SMAD6: variants seen among roughly 807,000 people sequenced by gnomAD.
SMAD6 encodes MAD homolog 6.
Under a neutral mutation model 39.4 loss-of-function variants are expected in SMAD6, and 103 were observed. The ratio of observed to expected loss-of-function variants is 2.62; its 90% CI spans 2.23 to 3.08. SMAD6 has a LOEUF of 3.08. Among genes scored for constraint, SMAD6 ranks in the 30% most tolerant of loss-of-function variants. The probability of loss-of-function intolerance (pLI) is 0.00; values close to 1 mark genes in which losing one functional copy is unlikely to be tolerated. For missense variants in SMAD6, 1,104 were observed against 742.9 expected (o/e 1.49, Z -5.65); for synonymous variants, 445 against 353.3 (o/e 1.26, Z -2.91).
chr15:66,703,883 CCGCGCGCCGACCTCCGCCTGGGCGGCCAG>C lies in SMAD6; in HGVS notation c.627_655del (p.Asp212AlafsTer81). The C allele has an allele frequency of 7.6e-7, 1 of 1,313,382 alleles. No individual in the cohort carries two copies. The highest frequency in any genetic ancestry group is 9.7e-7 in the Non-Finnish European group (1 of 1,030,318). The allele number at this position is 1,313,382 out of a possible 1,614,324, so 81.4% of individuals were successfully genotyped here. ...CGTGCCGGGCGGCTGCGTGCTGGTGCCGCGCGCCGACCTCCGCCTGGGCGGCCAGCCCGCGCCGCCGCAGCTGCTGCTCG... is the reference window on the plus strand; with the variant it reads ...CGTGCCGGGCGGCTGCGTGCTGGTGCCCCGCGCCGCCGCAGCTGCTGCTCG... On this transcript the variant is annotated frameshift_variant, in exon 1 of 4. Coordinates refer to ENST00000288840, the MANE Select transcript of SMAD6 (RefSeq NM_005585.5). LOFTEE classifies it high-confidence loss of function.
chr15:66,740,715 C>A (rs1350380780), intron 3 of SMAD6: 1 of 152,162 alleles, frequency 6.6e-6, no homozygotes, highest in Non-Finnish European at 1.5e-5. Flanking sequence ...TTTTATCCTG[C>A]CATCTCCCCT....
chr15:66,764,945 AC>A (rs1341433391), intron 3 of SMAD6, among the ~76,000 whole-genome samples: 1 of 152,078 alleles, frequency 6.6e-6, no homozygotes, highest in Non-Finnish European at 1.5e-5. Context: ...CCTGGGTTTC[AC>A]CGCCATAGGG....
Position 66,703,852 on chromosome 15 carries a change from C to G in SMAD6, c.594C>G (p.Arg198=). Residue 198 remains arginine, a synonymous_variant, in exon 1 of 4, where the codon CGC becomes CGG. Transcript: ENST00000288840. ...LDTLLEAVES[R]GGVPGGCVLV... Reference sequence around the variant, plus strand: ...CGCTGCTGGAGGCGGTGGAGTCCCGCGGCGGCGTGCCGGGCGGCTGCGTGC... The same window carrying G: ...CGCTGCTGGAGGCGGTGGAGTCCCGGGGCGGCGTGCCGGGCGGCTGCGTGC... 1.5e-6 allele frequency: 2 copies of G among 1,353,882 alleles called. No individual in the cohort carries two copies. The highest frequency in any genetic ancestry group is 1.9e-6 in the Non-Finnish European group (2 of 1,041,838). 83.9% of individuals were successfully genotyped at this position (1,353,882 alleles called of 1,614,324 possible).
chr15:66,749,570 A>G (rs1298007716), intron 3 of SMAD6, among the ~76,000 whole-genome samples: 1 of 152,178 alleles, frequency 6.6e-6, no homozygotes, highest in Non-Finnish European at 1.5e-5. Context: ...GTGAGACATG[A>G]TAGCTCCACT....
chr15:66,772,946 TC>T (rs1894403152), intron 3 of SMAD6, among the ~76,000 whole-genome samples: 1 of 152,210 alleles, frequency 6.6e-6, no homozygotes, highest in South Asian at 2.1e-4. Context: ...TCAGTCTCCC[TC>T]CTCCTGGTTC....
chr15:66,732,353 T>G (rs1893645177), intron 3 of SMAD6, among the ~76,000 whole-genome samples: 1 of 151,948 alleles, frequency 6.6e-6, no homozygotes. Flanking sequence ...TCTTTGCACT[T>G]CCCCTCCTCC....
chr15:66,717,081 T>A (rs1484639807), intron 3 of SMAD6: 1 of 1,289,066 alleles, frequency 7.8e-7, no homozygotes, highest in Admixed American at 2.3e-5. Flanking sequence ...TAGAAGCTGG[T>A]CATAGGGACC....
rs1893030032 is a variant in SMAD6, at chr15:66,703,578, T to C, written c.320T>C (p.Val107Ala). 3.3e-6 allele frequency: 4 copies of C among 1,225,992 alleles called. No individual in the cohort carries two copies. The highest frequency in any genetic ancestry group is 6.6e-5 in the East Asian group (2 of 30,226). 75.9% of individuals were successfully genotyped at this position (1,225,992 alleles called of 1,614,324 possible). A position where few individuals can be genotyped will look rare whatever the true frequency, so the allele number is the denominator to read the frequency against. Residue 107 changes from valine to alanine, a missense_variant, in exon 1 of 4, where the codon GTG becomes GCG. By Grantham distance (64) the Val-to-Ala change is moderately conservative. Transcript: ENST00000288840. ...GAGAGSSLLD[V>A]AEPGGPGWLP... ...GGCGCTGGGAGCTCCCTGCTGGACGTGGCGGAGCCGGGAGGCCCGGGCTGG... is the reference window on the plus strand; with the variant it reads ...GGCGCTGGGAGCTCCCTGCTGGACGCGGCGGAGCCGGGAGGCCCGGGCTGG...
intron 3 of SMAD6, chr15:66,717,022 G>A: frequency 7.8e-7 from 1 of 1,289,464 alleles, no homozygotes; most frequent in South Asian, 1.2e-5. Flanking sequence ...CAGATGCTGG[G>A]ATAGGAAGCC....
Position 66,782,310 on chromosome 15 carries a change from A to G in SMAD6, c.*775A>G. The stretch of plus-strand genomic sequence containing the variant: ...TTCATGCCCTAGCCTAGAAAGGCCC[A>G]GGTCCATGCCCCCCATCTTTGAGTT... On this transcript the variant is annotated 3_prime_UTR_variant, in exon 4 of 4. Coordinates refer to ENST00000288840, the MANE Select transcript of SMAD6 (RefSeq NM_005585.5). 1 of 178,284 alleles carries G rather than the reference A, an allele frequency of 5.6e-6. No homozygotes were observed. Among genetic ancestry groups the G allele is most frequent in the Non-Finnish European group, 1.2e-5 (1 of 86,394 alleles). The allele number at this position is 178,284 out of a possible 1,614,324, so 11.0% of individuals were successfully genotyped here.
rs1293393551 is a variant in SMAD6, at chr15:66,703,905, G to GCGGC, written c.649_652dup (p.Gln218ArgfsTer86). The GCGGC allele has an allele frequency of 7.7e-7, 1 of 1,291,106 alleles. No homozygotes were observed. The highest frequency in any genetic ancestry group is 9.8e-7 in the Non-Finnish European group (1 of 1,024,478). The allele number at this position is 1,291,106 out of a possible 1,614,324, so 80.0% of individuals were successfully genotyped here. On this transcript the variant is annotated frameshift_variant, in exon 1 of 4. Transcript: ENST00000288840. LOFTEE classifies it high-confidence loss of function. ...GTGCCGCGCGCCGACCTCCGCCTGG[G>GCGGC]CGGCCAGCCCGCGCCGCCGCAGCTG...
chr15:66,715,987 GAAGGAAGGAAGGAAGA>G (rs1893321764), intron 2 of SMAD6, among the ~76,000 whole-genome samples: 1 of 152,022 alleles, frequency 6.6e-6, no homozygotes, highest in Admixed American at 6.5e-5. Flanking sequence ...CGGGAGGGAG[GAAGGAAGGAAGGAAGA>G]AAGGAAGGAA....
intron 3 of SMAD6, among the ~76,000 whole-genome samples, chr15:66,751,177 A>T (rs905313751): frequency 3.9e-5 from 6 of 152,184 alleles, no homozygotes; most frequent in African/African-American, 1.4e-4. Flanking sequence ...TTCTGCAGGA[A>T]GTCAGAGGGT....
At chr15:66,716,784 A>G (rs1486979558) in intron 3 of SMAD6, among the ~76,000 whole-genome samples, 1 of 152,214 alleles carries the variant, frequency 6.6e-6, no homozygotes, top group Non-Finnish European at 1.5e-5. Flanking sequence ...AGCTCAGCAC[A>G]GCTCTCCCTT....
At chr15:66,742,743 A>G (rs1201451188) in intron 3 of SMAD6, among the ~76,000 whole-genome samples, 1 of 152,078 alleles carries the variant, frequency 6.6e-6, no homozygotes, top group Non-Finnish European at 1.5e-5. Flanking sequence ...CCTGTCCACA[A>G]TCAGCACCCA....
intron 3 of SMAD6, among the ~76,000 whole-genome samples, chr15:66,719,322 G>A (rs1209480422): frequency 6.6e-6 from 1 of 152,220 alleles, no homozygotes; most frequent in Admixed American, 6.5e-5. Flanking sequence ...GAGCCTGGTG[G>A]GCACCTGTCC....
chr15:66,703,103 G>C lies in SMAD6; in HGVS notation c.-156G>C, dbSNP rs369937918. ...CTCCCTCATGTTGTCGCCCTGCGGC[G>C]CCCCTTCGACGACAGGCTGTGCGCG... On this transcript the variant is annotated 5_prime_UTR_variant, in exon 1 of 4. Coordinates refer to ENST00000288840, the MANE Select transcript of SMAD6 (RefSeq NM_005585.5). 37 of 481,004 alleles carry C rather than the reference G, an allele frequency of 7.7e-5. No homozygotes were observed. The East Asian group carries it at 8.9e-4, about 12-fold the overall frequency. 29.8% of individuals were successfully genotyped at this position (481,004 alleles called of 1,614,324 possible).
Position 66,703,137 on chromosome 15 carries a change from G to A in SMAD6, c.-122G>A, listed in dbSNP as rs1893011556. 3.0e-6 allele frequency: 2 copies of A among 675,860 alleles called. No homozygotes were observed. The highest frequency in any genetic ancestry group is 4.1e-5 in the South Asian group (1 of 24,568). The allele number at this position is 675,860 out of a possible 1,614,324, so 41.9% of individuals were successfully genotyped here. On this transcript the variant is annotated 5_prime_UTR_variant, in exon 1 of 4. Transcript: ENST00000288840. The stretch of plus-strand genomic sequence containing the variant: ...ACGACAGGCTGTGCGCGGTCTGCAC[G>A]GCGCTCCGCGGCGGAGCTTCATGTG...
At position 66,703,174 on chromosome 15, in the gene SMAD6, C is replaced by G. The variant is rs951807569; in HGVS notation, c.-85C>G. The G allele has an allele frequency of 8.5e-6, 9 of 1,060,578 alleles. No individual in the cohort carries two copies. In the African/African-American group the frequency reaches 1.3e-4, roughly 16 times the overall value. 65.7% of individuals were successfully genotyped at this position (1,060,578 alleles called of 1,614,324 possible). On this transcript the variant is annotated 5_prime_UTR_variant, in exon 1 of 4. Coordinates refer to ENST00000288840, the MANE Select transcript of SMAD6 (RefSeq NM_005585.5). ...CGGAGCTTCATGTGGGGCTGCGACC[C>G]GCGCAGCCGGCGCCTCGCTGAGGGA...
Sources: gnomAD v4.1 joint callset for allele counts (sites outside exome capture counted in the v4.1 genomes callset) on GRCh38, gnomAD v4.1.1 for gene constraint, MANE v1.5 for transcripts, NCBI Gene and HGNC (gene_info 2026-07-23, HGNC 2026-07-21) for gene names.